VCAM1: variants seen among roughly 807,000 people sequenced by gnomAD.
VCAM1 encodes vascular cell adhesion molecule 1.
A neutral mutation model predicts 63.8 loss-of-function variants in VCAM1; 41 were observed. The observed-to-expected ratio is 0.64, with a 90% CI of 0.50 to 0.83. The LOEUF (loss-of-function observed/expected upper bound fraction) is 0.83. VCAM1 is among the 40% of genes least tolerant of loss of function. The pLI, the probability that VCAM1 is intolerant of heterozygous loss-of-function variation, is 0.00. For synonymous variants in VCAM1, 338 were observed against 320.7 expected (o/e 1.05, Z -0.58); for missense variants, 798 against 875.5 (o/e 0.91, Z 1.12).
intron 3 of VCAM1, among the ~76,000 whole-genome samples, chr1:100,723,894 T>C (rs1015611136): frequency 6.6e-6 from 1 of 151,994 alleles, no homozygotes; most frequent in Non-Finnish European, 1.5e-5. Context: ...CCCAGCGTTG[T>C]GTAGGAGTGG....
At chr1:100,732,946 C>T (rs1557906994) in intron 7 of VCAM1, among the ~76,000 whole-genome samples, 1 of 152,152 alleles carries the variant, frequency 6.6e-6, no homozygotes, top group Non-Finnish European at 1.5e-5. Flanking sequence ...GTTCCAGTTA[C>T]ACTTATGAGG....
rs1571460993 is a variant in VCAM1 at position 100,732,634 on chromosome 1, G to A, written c.1742G>A (p.Gly581Glu). ...GATTCTGGGGTTTATTTATGTGAAG[G>A]AATTAACCAGGCTGGAAGAAGCAGA... ...MEDSGVYLCE[G>E]INQAGRSRKE... Residue 581 changes from glycine (G) to glutamate (E), a missense_variant, in exon 7 of 9, where the codon GGA becomes GAA. By Grantham distance (98) the Gly-to-Glu change is moderately conservative (BLOSUM62 -2). Coordinates refer to ENST00000294728, the MANE Select transcript of VCAM1 (RefSeq NM_001078.4). The A allele has an allele frequency of 1.2e-6, 2 of 1,610,030 alleles. No homozygotes were observed. Among genetic ancestry groups the A allele is most frequent in the East Asian group, 2.2e-5 (1 of 44,808 alleles).
At position 100,732,697 on chromosome 1, in the gene VCAM1, T is replaced by C; in HGVS notation, c.1792+13T>C. ...TTAATTATCCAAGGTGAGCAGAGTG[T>C]GAGTAATGAGTTATCCTTGCTAGTA... On this transcript the variant is annotated intron_variant, in intron 7 of 8. Coordinates refer to ENST00000294728, the MANE Select transcript of VCAM1 (RefSeq NM_001078.4). The C allele has an allele frequency of 6.4e-7, 1 of 1,554,512 alleles. No homozygotes were observed. The highest frequency in any genetic ancestry group is 8.7e-7 in the Non-Finnish European group (1 of 1,153,882).
rs1660012983 is a variant in VCAM1 at position 100,723,128 on chromosome 1, T to C, written c.449T>C (p.Ile150Thr). 1 of 1,613,000 alleles carries C rather than the reference T, an allele frequency of 6.2e-7. No individual in the cohort carries two copies. Among genetic ancestry groups the C allele is most frequent in the East Asian group, 2.2e-5 (1 of 44,848 alleles). ...GTATACCCATTTGACAGGCTGGAGATAGACTTACTGAAAGGAGATCATCTC... is the reference window on the plus strand; with the variant it reads ...GTATACCCATTTGACAGGCTGGAGACAGACTTACTGAAAGGAGATCATCTC... ...ADVYPFDRLE[I>T]DLLKGDHLMK... Residue 150 changes from isoleucine to threonine, a missense_variant, in exon 3 of 9, where the codon ATA (isoleucine) becomes ACA (threonine). By Grantham distance (89) the Ile-to-Thr change is moderately conservative. Transcript: ENST00000294728.
chr1:100,738,690 C>G lies in VCAM1; in HGVS notation c.*407C>G, dbSNP rs189902207. The G allele has an allele frequency of 6.5e-6, 1 of 153,134 alleles. No homozygotes were observed. Among genetic ancestry groups the G allele is most frequent in the Admixed American group, 6.5e-5 (1 of 15,330 alleles). The allele number at this position is 153,134 out of a possible 1,614,324, so 9.5% of individuals were successfully genotyped here. A position where few individuals can be genotyped will look rare whatever the true frequency, so the allele number is the denominator to read the frequency against. On this transcript the variant is annotated 3_prime_UTR_variant, in exon 9 of 9. Coordinates refer to ENST00000294728, the MANE Select transcript of VCAM1 (RefSeq NM_001078.4). ...CACATTAATATTTGCTGACAGCTGA[C>G]CTTTGTCATCTTTCTTCTATTTTAT...
rs1660102393 is a variant in VCAM1, at chr1:100,724,829, T to G, written c.867T>G (p.Tyr289Ter). Reference sequence around the variant, plus strand: ...TGAGGATGGAAGATTCTGGAATTTATGTGTGTGAAGGAGTTAATTTGATTG... The same window carrying G: ...TGAGGATGGAAGATTCTGGAATTTAGGTGTGTGAAGGAGTTAATTTGATTG... ...IAMRMEDSGI[Y>*]VCEGVNLIGK... The change falls in exon 4 of 9, where the codon TAT becomes TAG. Residue 289 changes from tyrosine (Y) to a stop codon, truncating the protein, a stop_gained. Coordinates refer to ENST00000294728, the MANE Select transcript of VCAM1 (RefSeq NM_001078.4). LOFTEE classifies it high-confidence loss of function. 1 of 1,612,882 alleles carries G rather than the reference T, an allele frequency of 6.2e-7. No individual in the cohort carries two copies. The highest frequency in any genetic ancestry group is 1.3e-5 in the African/African-American group (1 of 74,840).
intron 4 of VCAM1, 68 bp downstream of exon 4, chr1:100,724,958 C>T: frequency 6.4e-7 from 1 of 1,558,526 alleles, no homozygotes. Context: ...GTCAACACAG[C>T]TTCAATGCTG....
chr1:100,737,091 A>T (rs993660857), intron 8 of VCAM1: 2 of 152,158 alleles, frequency 1.3e-5, no homozygotes, highest in Admixed American at 6.5e-5. Flanking sequence ...TTTTTAGCAG[A>T]TTAGAAAGAA....
chr1:100,733,957 A>T (rs1341302035), intron 7 of VCAM1, among the ~76,000 whole-genome samples: 1 of 152,220 alleles, frequency 6.6e-6, no homozygotes, highest in Non-Finnish European at 1.5e-5. Flanking sequence ...AAAGAGGTTT[A>T]ATACAGTTCC....
chr1:100,723,137 T>G lies in VCAM1; in HGVS notation c.458T>G (p.Leu153Arg), dbSNP rs1010015150. The G allele has an allele frequency of 1.2e-6, 2 of 1,613,112 alleles. No individual in the cohort carries two copies. The highest frequency in any genetic ancestry group is 8.5e-7 in the Non-Finnish European group (1 of 1,179,456). ...TTTGACAGGCTGGAGATAGACTTAC[T>G]GAAAGGAGATCATCTCATGAAGAGT... The part of the protein sequence containing the change: ...YPFDRLEIDL[L>R]KGDHLMKSQE... Residue 153 changes from leucine to arginine, a missense_variant, in exon 3 of 9, where the codon CTG (leucine) becomes CGG (arginine). Physicochemically the swap from Leu to Arg is moderately radical, Grantham distance 102. Transcript: ENST00000294728.
At chr1:100,729,984 A>G (rs1249965750) in intron 5 of VCAM1, among the ~76,000 whole-genome samples, 10 of 152,146 alleles carry the variant, frequency 6.6e-5, no homozygotes, top group African/African-American at 2.2e-4. Context: ...TTTTGTCTTA[A>G]TAAACATTCT....
At chr1:100,734,372 CCTT>C (rs1660574803) in intron 7 of VCAM1, 127 bp from the exon 8 acceptor site, 1 of 985,502 alleles carries the variant, frequency 1.0e-6, no homozygotes, top group East Asian at 2.6e-5. Context: ...CTTTACTTGC[CCTT>C]CTTAACATTT....
rs190438027 is a variant in VCAM1 at position 100,732,735 on chromosome 1, A to G, written c.1792+51A>G. Reference sequence around the variant, plus strand: ...ATCCTTGCTAGTAATGTTTTTGGTTATGTTACTGATTATGAGTAAAGTCTT... The same window carrying G: ...ATCCTTGCTAGTAATGTTTTTGGTTGTGTTACTGATTATGAGTAAAGTCTT... On this transcript the variant is annotated intron_variant, in intron 7 of 8. Transcript: ENST00000294728. 1.0e-5 allele frequency: 15 copies of G among 1,492,862 alleles called. No individual in the cohort carries two copies. The African/African-American group carries it at 1.4e-4, about 14-fold the overall frequency. 92.5% of individuals were successfully genotyped at this position (1,492,862 alleles called of 1,614,324 possible). A position where few individuals can be genotyped will look rare whatever the true frequency, so the allele number is the denominator to read the frequency against.
chr1:100,733,440 C>A (rs2100833852), intron 7 of VCAM1, among the ~76,000 whole-genome samples: 1 of 152,162 alleles, frequency 6.6e-6, no homozygotes, highest in Non-Finnish European at 1.5e-5. Flanking sequence ...TTCTTGTTAT[C>A]TCAACTCAAT....
intron 5 of VCAM1, among the ~76,000 whole-genome samples, chr1:100,730,028 C>G (rs892440481): frequency 6.6e-6 from 1 of 152,144 alleles, no homozygotes; most frequent in Non-Finnish European, 1.5e-5. Flanking sequence ...CTTGACATTG[C>G]TGGAGTTCCT....
At chr1:100,721,498 C>A (rs1401957628) in intron 2 of VCAM1, among the ~76,000 whole-genome samples, 3 of 152,100 alleles carry the variant, frequency 2.0e-5, no homozygotes, top group Non-Finnish European at 2.9e-5. Context: ...ACTAACCAGA[C>A]ATAAATCATT....
Position 100,720,691 on chromosome 1 carries a change from C to A in VCAM1, c.280C>A (p.Leu94Met), listed in dbSNP as rs2100821880. 1.2e-6 allele frequency: 2 copies of A among 1,613,136 alleles called. No homozygotes were observed. The highest frequency in any genetic ancestry group is 4.5e-5 in the East Asian group (2 of 44,836). The change falls in exon 2 of 9, where the codon CTG (leucine) becomes ATG (methionine). Residue 94 changes from leucine (L) to methionine (M), a missense_variant. Transcript: ENST00000294728. Reference protein sequence around the residue: ...PVSFGNEHSYLCTATCESRKL... With the variant: ...PVSFGNEHSYMCTATCESRKL... ...TAGTTTTGGGAACGAACACTCTTACCTGTGCACAGCAACTTGTGAATCTAG... is the reference window on the plus strand; with the variant it reads ...TAGTTTTGGGAACGAACACTCTTACATGTGCACAGCAACTTGTGAATCTAG...
Position 100,723,316 on chromosome 1 carries a change from G to T in VCAM1, c.637G>T (p.Ala213Ser). ...EMDSVPTVRQ[A>S]VKELQVYISP... ...GGATTCTGTGCCCACAGTAAGGCAG[G>T]CTGTAAAAGAATTGCAAGTCTACAG... The change falls in exon 3 of 9, where the codon GCT becomes TCT. Residue 213 changes from alanine (A) to serine (S), a missense_variant. By Grantham distance (99) the Ala-to-Ser change is moderately conservative. Transcript: ENST00000294728. 1 of 1,612,540 alleles carries T rather than the reference G, an allele frequency of 6.2e-7. No individual in the cohort carries two copies. The highest frequency in any genetic ancestry group is 8.5e-7 in the Non-Finnish European group (1 of 1,178,978).
In VCAM1 at chr1:100,734,626, G is replaced by A. The variant is rs765111602; in HGVS notation, c.1917G>A (p.Ala639=). The A allele has an allele frequency of 1.3e-5, 21 of 1,613,912 alleles. No homozygotes were observed. Among genetic ancestry groups the A allele is most frequent in the African/African-American group, 8.0e-5 (6 of 75,006 alleles). Residue 639 remains alanine (A), a synonymous_variant, in exon 8 of 9, where the codon GCG becomes GCA. Transcript: ENST00000294728. ...PETWIILKKK[A]ETGDTVLKSI... is the part of the protein sequence containing the mutation. ...CATGGATAATCCTGAAGAAAAAAGC[G>A]GAGACAGGAGACACAGTACTAAAAT...
Sources: allele counts gnomAD v4.1 joint callset (sites outside exome capture counted in the v4.1 genomes callset), GRCh38; gene constraint gnomAD v4.1.1; transcripts MANE v1.5; gene names NCBI Gene and HGNC (gene_info 2026-07-23, HGNC 2026-07-21).